The following ANK3 variants were observed in gnomAD, a reference collection of about 807,000 sequenced individuals.
The protein encoded by ANK3 is ankyrin-3.
In ANK3, 57 loss-of-function variants were observed where a neutral mutation model predicts 370.9. That is an observed-to-expected ratio of 0.15 (90% CI 0.12 to 0.19). The LOEUF (loss-of-function observed/expected upper bound fraction) is 0.19. Among genes scored for constraint, ANK3 ranks in the 10% least tolerant of loss-of-function variants. The pLI, the probability that ANK3 is intolerant of heterozygous loss-of-function variation, is 1.00. For missense variants in ANK3, 4,439 were observed against 5,302.1 expected (o/e 0.84, Z 5.06); for synonymous variants, 1,929 against 1,946.3 (o/e 0.99, Z 0.23).
chr10:60,182,370 T>C (rs1432138440), intron 17 of ANK3, among the ~76,000 whole-genome samples: 1 of 152,094 alleles, frequency 6.6e-6, no homozygotes, highest in Non-Finnish European at 1.5e-5. Flanking sequence ...ACTAACCCTA[T>C]TAGAGAATTT....
At position 60,657,089 on chromosome 10, in the gene ANK3, A is replaced by G. The variant is rs779927491; in HGVS notation, c.58-41865T>C. Among the ~76,000 whole-genome samples the G allele has an allele frequency of 8.5e-4, 129 of 152,362 alleles. 1 individual carries two copies. The highest frequency in any genetic ancestry group is 1.6e-3 in the Non-Finnish European group (112 of 68,036). Reference sequence around the variant, plus strand: ...GGCCTCACAATCATGGCAGAGAGCAAGGAGGAGCAAGTCACATCTTATGTT... The same window carrying G: ...GGCCTCACAATCATGGCAGAGAGCAGGGAGGAGCAAGTCACATCTTATGTT... On this transcript the variant is annotated intron_variant, in intron 1 of 43. Coordinates refer to the ANK3 transcript ENST00000373827.
chr10:60,270,271 A>C lies in ANK3; in HGVS notation c.415-42T>G, dbSNP rs756248544. ...AAAATGTTTGTCTGCAGCTTTCCAG[A>C]GACAATCTATTTTTCCATGGTACTG... On this transcript the variant is annotated intron_variant, in intron 4 of 43. Coordinates refer to ENST00000280772, the MANE Select transcript of ANK3 (RefSeq NM_020987.5). 3 of 1,426,412 alleles carry C rather than the reference A, an allele frequency of 2.1e-6. No individual in the cohort carries two copies. In the African/African-American group the frequency reaches 4.3e-5, roughly 20 times the overall value. The allele number at this position is 1,426,412 out of a possible 1,614,324, so 88.4% of individuals were successfully genotyped here. A position where few individuals can be genotyped will look rare whatever the true frequency, so the allele number is the denominator to read the frequency against.
At chr10:60,289,389 CCTTTCT>C (rs965730195) in intron 1 of ANK3, among the ~76,000 whole-genome samples, 18 of 151,446 alleles carry the variant, frequency 1.2e-4, no homozygotes, top group African/African-American at 3.6e-4. Context: ...CTCCCCTCCC[CCTTTCT>C]CTTTCTCTCT....
intron 28 of ANK3, among the ~76,000 whole-genome samples, chr10:60,089,166 C>T (rs1048714040): frequency 2.0e-5 from 3 of 152,182 alleles, no homozygotes; most frequent in Admixed American, 6.5e-5. Context: ...GGCTCTCATG[C>T]GTGGAACTCA....
At chr10:60,087,001 A>AC (rs933814059) in intron 29 of ANK3, 117 bp from the exon 30 acceptor site, 4 of 734,576 alleles carry the variant, frequency 5.4e-6, no homozygotes, top group Admixed American at 3.1e-5. Flanking sequence ...CAAAAAAAAA[A>AC]AAAAAAAACC....
At chr10:60,135,472 C>T (rs980682851) in intron 24 of ANK3, among the ~76,000 whole-genome samples, 2 of 152,210 alleles carry the variant, frequency 1.3e-5, no homozygotes, top group Admixed American at 1.3e-4. Context: ...TGGGGTATCC[C>T]ATAACTAGCA....
intron 8 of ANK3, among the ~76,000 whole-genome samples, chr10:60,233,251 A>G (rs2097275209): frequency 6.6e-6 from 1 of 152,130 alleles, no homozygotes; most frequent in African/African-American, 2.4e-5. Flanking sequence ...TTATTTTCAG[A>G]TAGAGAAAGG....
intron 1 of ANK3, among the ~76,000 whole-genome samples, chr10:60,667,192 ATT>A (rs2079008173): frequency 4.8e-5 from 1 of 20,722 alleles, no homozygotes. Flanking sequence ...ATCATATTAT[ATT>A]ATATTATATT....
intron 25 of ANK3, among the ~76,000 whole-genome samples, chr10:60,132,243 C>T (rs2094116766): frequency 6.6e-6 from 1 of 152,150 alleles, no homozygotes; most frequent in South Asian, 2.1e-4. Context: ...CCATGACATG[C>T]TATTGCACTG....
intron 41 of ANK3, among the ~76,000 whole-genome samples, chr10:60,056,340 G>A (rs1264753634): frequency 6.6e-6 from 1 of 152,116 alleles, no homozygotes. Context: ...GTGATGGCAC[G>A]TGCCTGTAAT....
chr10:60,134,322 A>C lies in ANK3; in HGVS notation c.2790T>G (p.Tyr930Ter). The change falls in exon 25 of 44, where the codon TAT becomes TAG. Residue 930 changes from tyrosine to a stop codon, truncating the protein, a stop_gained. Transcript: ENST00000280772. LOFTEE classifies it high-confidence loss of function. The part of the protein sequence containing the change: ...DRSYTLNRSS[Y>*]ARDSMMIEEL... ...CTTCAATCATCATGCTGTCCCGTGC[A>C]TAGGAGCTTCTGTTCAAGGTGTAAG... is the stretch of plus-strand genomic sequence containing the variant. The C allele has an allele frequency of 6.2e-7, 1 of 1,614,022 alleles. No individual in the cohort carries two copies. The highest frequency in any genetic ancestry group is 8.5e-7 in the Non-Finnish European group (1 of 1,179,944).
chr10:60,057,368 T>C (rs1423572166), intron 41 of ANK3, among the ~76,000 whole-genome samples: 7 of 152,216 alleles, frequency 4.6e-5, no homozygotes, highest in Admixed American at 4.6e-4. Flanking sequence ...TCTTTGTTTA[T>C]TACCGCTAGA....
At chr10:60,565,770 C>G (rs1307600174) in intron 2 of ANK3, among the ~76,000 whole-genome samples, 2 of 152,168 alleles carry the variant, frequency 1.3e-5, no homozygotes, top group African/African-American at 4.8e-5. Context: ...GTAAGCATGC[C>G]TTTGACTATC....
intron 1 of ANK3, among the ~76,000 whole-genome samples, chr10:60,303,707 C>T (rs1371636995): frequency 6.6e-6 from 1 of 152,166 alleles, no homozygotes; most frequent in African/African-American, 2.4e-5. Context: ...AAAAACAGAA[C>T]TACCTTATGA....
At chr10:60,269,658 C>G (rs10994290) in intron 5 of ANK3, among the ~76,000 whole-genome samples, 13 of 124,888 alleles carry the variant, frequency 1.0e-4, no homozygotes, top group African/African-American at 3.7e-4. Context: ...TCCCCCCCCC[C>G]AAAAAAAGTA....
chr10:60,314,099 T>C lies in ANK3; in HGVS notation c.115-34460A>G, dbSNP rs184795919. Among the ~76,000 whole-genome samples, 11 of 152,276 alleles carry C rather than the reference T, an allele frequency of 7.2e-5. No individual in the cohort carries two copies. The East Asian group carries it at 2.1e-3, about 29-fold the overall frequency. ...TTTTTGAGTGATTGAATAAATAACA[T>C]TTACTACAGTGGTGATTCTGATTAG... On this transcript the variant is annotated intron_variant, in intron 1 of 43. Transcript: ENST00000280772.
At chr10:60,159,686 A>G (rs2095444293) in intron 23 of ANK3, among the ~76,000 whole-genome samples, 1 of 152,128 alleles carries the variant, frequency 6.6e-6, no homozygotes, top group Non-Finnish European at 1.5e-5. Context: ...GTCTCAAAAA[A>G]TTTAAAAAAA....
At chr10:60,247,094 C>T (rs190170813) in intron 7 of ANK3, among the ~76,000 whole-genome samples, 239 of 152,294 alleles carry the variant, frequency 1.6e-3, no homozygotes, top group Non-Finnish European at 2.8e-3. Flanking sequence ...CGGCTCAATG[C>T]AAGCTCTGCC....
intron 1 of ANK3, among the ~76,000 whole-genome samples, chr10:60,330,579 C>G (rs2051001773): frequency 6.6e-6 from 1 of 151,998 alleles, no homozygotes; most frequent in Non-Finnish European, 1.5e-5. Context: ...AGCTCTCACG[C>G]CAGTTAGAAT....
Sources: allele counts gnomAD v4.1 joint callset (sites outside exome capture counted in the v4.1 genomes callset), GRCh38; gene constraint gnomAD v4.1.1; transcripts MANE v1.5; gene names NCBI Gene and HGNC (gene_info 2026-07-23, HGNC 2026-07-21).